Variants in KIAA1217 observed in about 807,000 individuals in gnomAD.
The protein encoded by KIAA1217 is sickle tail protein homolog.
Under a neutral mutation model 163.9 loss-of-function variants are expected in KIAA1217, and 88 were observed. The observed-to-expected ratio is 0.54, with a 90% CI of 0.45 to 0.64. KIAA1217 has a LOEUF of 0.64. Ranked by LOEUF, KIAA1217 falls within the 30% of genes least tolerant of loss-of-function variation. The pLI is 0.00. For synonymous variants in KIAA1217, 903 were observed against 923.1 expected, an observed-to-expected ratio of 0.98 and a Z score of 0.39; for missense variants, 2,372 against 2,475.0, an observed-to-expected ratio of 0.96 and a Z score of 0.88.
rs763697332 is a variant in KIAA1217, at chr10:24,220,646, G to A, written c.354+737G>A. The stretch of plus-strand genomic sequence containing the variant: ...ATTTTTTGTATTTTTAGTAGAGACG[G>A]TGTTTCATCGTGTTACCCAGGATGG... On this transcript the variant is annotated intron_variant, in intron 2 of 20. Coordinates refer to ENST00000376454, the MANE Select transcript of KIAA1217 (RefSeq NM_019590.5). Among the ~76,000 whole-genome samples, 58 of 151,026 alleles carry A rather than the reference G, an allele frequency of 3.8e-4. 2 individuals carry two copies. Among genetic ancestry groups the A allele is most frequent in the Admixed American group, 2.6e-3 (40 of 15,144 alleles).
chr10:24,291,788 C>T (rs1295240470), intron 2 of KIAA1217, among the ~76,000 whole-genome samples: 3 of 152,116 alleles, frequency 2.0e-5, no homozygotes, highest in African/African-American at 7.2e-5. Context: ...CTAAGGATTA[C>T]ATTTCTCTTG....
At chr10:24,247,633 T>TA (rs1368131611) in intron 2 of KIAA1217, among the ~76,000 whole-genome samples, 1 of 152,130 alleles carries the variant, frequency 6.6e-6, no homozygotes, top group Non-Finnish European at 1.5e-5. Context: ...CCGTCTCTAC[T>TA]AAAAATACAA....
At chr10:24,282,838 T>G (rs1308566871) in intron 2 of KIAA1217, among the ~76,000 whole-genome samples, 1 of 143,992 alleles carries the variant, frequency 6.9e-6, no homozygotes, top group African/African-American at 2.6e-5. Flanking sequence ...TTTTTTTTTT[T>G]TTTTTTTTTT....
At chr10:24,338,141 A>G (rs720431) in intron 2 of KIAA1217, among the ~76,000 whole-genome samples, 17,052 of 152,200 alleles carry the variant, frequency 0.11, 1,016 homozygotes, top group East Asian at 0.19. Flanking sequence ...TTTTGTCACC[A>G]GAAGTTCTGA....
At chr10:23,843,196 C>A (rs1838870964) in intron 1 of KIAA1217, among the ~76,000 whole-genome samples, 1 of 152,134 alleles carries the variant, frequency 6.6e-6, no homozygotes, top group Non-Finnish European at 1.5e-5. Context: ...GTGGTAGAAT[C>A]ATGCTATGGC....
chr10:23,998,173 C>A (rs1846582436), intron 1 of KIAA1217, among the ~76,000 whole-genome samples: 1 of 152,092 alleles, frequency 6.6e-6, no homozygotes, highest in Non-Finnish European at 1.5e-5. Flanking sequence ...AAGACTTAAC[C>A]TTAGCAAAGT....
At chr10:24,463,728 G>C (rs1411887082) in intron 5 of KIAA1217, among the ~76,000 whole-genome samples, 1 of 152,224 alleles carries the variant, frequency 6.6e-6, no homozygotes, top group East Asian at 1.9e-4. Context: ...GGCCTTGCCA[G>C]AGCATAAAAA....
intron 5 of KIAA1217, among the ~76,000 whole-genome samples, chr10:24,468,164 T>C (rs149375097): frequency 0.019 from 2,850 of 152,276 alleles, 42 homozygotes; most frequent in Non-Finnish European, 0.028. Context: ...GGAAATCACA[T>C]TGAAGACTTG....
intron 10 of KIAA1217, among the ~76,000 whole-genome samples, chr10:24,517,172 TA>T (rs34657439): frequency 0.048 from 6,778 of 141,758 alleles, 334 homozygotes; most frequent in East Asian, 0.22. Flanking sequence ...AAAACCCTGT[TA>T]AAAAAAAAAA....
chr10:23,733,252 A>T (rs11818497), intron 1 of KIAA1217, among the ~76,000 whole-genome samples: 5,406 of 152,200 alleles, frequency 0.036, 300 homozygotes, highest in African/African-American at 0.12. Flanking sequence ...ACCTCAAGTG[A>T]TCCTCCCTCC....
In KIAA1217 at chr10:24,520,117, C is replaced by T; in HGVS notation, c.2178-6C>T. The T allele has an allele frequency of 6.2e-7, 1 of 1,613,502 alleles. No individual in the cohort carries two copies. Among genetic ancestry groups the T allele is most frequent in the Non-Finnish European group, 8.5e-7 (1 of 1,179,596 alleles). ...GCTCTATGTGCTGGTGTCCTTGCTC[C>T]CGCAGCGAGTTGGAAGACTTTGTTG... On this transcript the variant is annotated splice_polypyrimidine_tract_variant and splice_region_variant and intron_variant, in intron 10 of 20. Coordinates refer to ENST00000376454, the MANE Select transcript of KIAA1217 (RefSeq NM_019590.5).
chr10:24,359,860 A>T (rs1449852799), intron 2 of KIAA1217, among the ~76,000 whole-genome samples: 1 of 152,048 alleles, frequency 6.6e-6, no homozygotes, highest in Admixed American at 6.5e-5. Flanking sequence ...AGTGTGACTT[A>T]TAAAGTCTCA....
chr10:23,916,748 C>A (rs188297350), intron 1 of KIAA1217, among the ~76,000 whole-genome samples: 43 of 151,872 alleles, frequency 2.8e-4, no homozygotes, highest in Non-Finnish European at 5.3e-4. Context: ...CTGAGGCGGG[C>A]AGATCACGAG....
chr10:23,739,467 T>A (rs959118137), intron 1 of KIAA1217, among the ~76,000 whole-genome samples: 15 of 152,026 alleles, frequency 9.9e-5, no homozygotes, highest in African/African-American at 3.1e-4. Context: ...AAACCTCTAG[T>A]GGGTGCATGT....
At chr10:24,481,582 G>C (rs955585476) in intron 6 of KIAA1217, 1 of 152,156 alleles carries the variant, frequency 6.6e-6, no homozygotes, top group Non-Finnish European at 1.5e-5. Context: ...AACGACGACA[G>C]GACTAATAAT....
intron 4 of KIAA1217, among the ~76,000 whole-genome samples, chr10:24,436,663 C>G (rs576028131): frequency 1.5e-4 from 20 of 137,842 alleles, no homozygotes; most frequent in African/African-American, 5.2e-4. Flanking sequence ...GAGGCTAAGG[C>G]AGGAGAATGC....
chr10:24,064,874 C>T (rs904149643), intron 2 of KIAA1217, among the ~76,000 whole-genome samples: 20 of 151,994 alleles, frequency 1.3e-4, no homozygotes, highest in Admixed American at 1.2e-3. Flanking sequence ...TCTTGGGAGA[C>T]TGTATGTGTC....
chr10:24,074,697 C>T (rs1353316510), intron 2 of KIAA1217, among the ~76,000 whole-genome samples: 2 of 123,326 alleles, frequency 1.6e-5, no homozygotes, highest in African/African-American at 3.0e-5. Flanking sequence ...TCCTCTTCTT[C>T]TTCTTCTTTT....
At chr10:23,954,705 T>C (rs1844483226) in intron 1 of KIAA1217, among the ~76,000 whole-genome samples, 1 of 152,096 alleles carries the variant, frequency 6.6e-6, no homozygotes, top group African/African-American at 2.4e-5. Flanking sequence ...GATTATCTGC[T>C]CTATGCTGGG....
Sources: gnomAD v4.1 joint callset for allele counts (sites outside exome capture counted in the v4.1 genomes callset) on GRCh38, gnomAD v4.1.1 for gene constraint, MANE v1.5 for transcripts, NCBI Gene and HGNC (gene_info 2026-07-23, HGNC 2026-07-21) for gene names.